TENM2: variants seen among roughly 807,000 people sequenced by gnomAD.
The protein encoded by TENM2 is teneurin-2.
TENM2 carries 52 observed loss-of-function variants against 245.2 expected under a neutral mutation model. The ratio of observed to expected loss-of-function variants is 0.21; its 90% CI spans 0.17 to 0.27. The LOEUF (loss-of-function observed/expected upper bound fraction) is 0.27. Ranked by LOEUF, TENM2 falls within the 10% of genes least tolerant of loss-of-function variation. TENM2 has a pLI of 1.00. For synonymous variants in TENM2, 1,363 were observed against 1,438.9 expected, an observed-to-expected ratio of 0.95 and a Z score of 1.19; for missense variants, 3,046 against 3,666.8, an observed-to-expected ratio of 0.83 and a Z score of 4.37.
At chr5:168,009,998 C>T (rs181743931) in intron 5 of TENM2, among the ~76,000 whole-genome samples, 7 of 152,304 alleles carry the variant, frequency 4.6e-5, no homozygotes, top group Non-Finnish European at 1.0e-4. Context: ...GAGGCAATAC[C>T]GTGATACTGT....
chr5:168,090,218 CCACA>C (rs3083413), intron 7 of TENM2, among the ~76,000 whole-genome samples: 14,256 of 136,640 alleles, frequency 0.1, 876 homozygotes, highest in East Asian at 0.29. Flanking sequence ...ACTCCCCCCA[CCACA>C]CACACACACA....
chr5:168,050,356 C>T (rs1356044388), intron 6 of TENM2, among the ~76,000 whole-genome samples: 2 of 152,160 alleles, frequency 1.3e-5, no homozygotes, highest in African/African-American at 2.4e-5. Flanking sequence ...CAGTGACCTC[C>T]GCGCTCCCCA....
chr5:167,708,827 T>A (rs577410227), intron 2 of TENM2, among the ~76,000 whole-genome samples: 4 of 152,300 alleles, frequency 2.6e-5, no homozygotes, highest in South Asian at 2.1e-4. Context: ...AAGTTTTTTT[T>A]ATAAAAACAT....
chr5:168,233,566 G>A (rs1375612079), intron 25 of TENM2, among the ~76,000 whole-genome samples: 1 of 152,202 alleles, frequency 6.6e-6, no homozygotes, highest in Non-Finnish European at 1.5e-5. Flanking sequence ...TCCTTCCACT[G>A]CAAGAGACAG....
intron 5 of TENM2, among the ~76,000 whole-genome samples, chr5:168,045,833 C>T (rs1217125303): frequency 6.6e-6 from 1 of 152,160 alleles, no homozygotes; most frequent in Admixed American, 6.5e-5. Flanking sequence ...TTCCTGACCT[C>T]TGTATAGTGA....
chr5:166,999,391 C>G, the TENM2 span, among the ~76,000 whole-genome samples: 1 of 152,084 alleles, frequency 6.6e-6, no homozygotes, highest in African/African-American at 2.4e-5. Context: ...GGACAAATAC[C>G]AGAACCACAT....
At chr5:167,515,629 A>ATATATGTATATATATACG (rs1562018828) in intron 2 of TENM2, among the ~76,000 whole-genome samples, 2 of 125,702 alleles carry the variant, frequency 1.6e-5, no homozygotes, top group African/African-American at 7.7e-5. Flanking sequence ...ACATATATAT[A>ATATATGTATATATATACG]CATATATATG....
At chr5:167,718,306 T>C (rs1759401788) in intron 2 of TENM2, among the ~76,000 whole-genome samples, 2 of 152,268 alleles carry the variant, frequency 1.3e-5, no homozygotes, top group South Asian at 4.1e-4. Flanking sequence ...GTAGAAAGGA[T>C]GTGCTGGGCT....
chr5:167,535,318 T>C (rs1403972925), intron 2 of TENM2, among the ~76,000 whole-genome samples: 6 of 151,824 alleles, frequency 4.0e-5, no homozygotes, highest in African/African-American at 1.5e-4. Context: ...TTGAGGGAAA[T>C]GGGACCTTAG....
chr5:168,159,098 T>C (rs1581486363), intron 12 of TENM2, among the ~76,000 whole-genome samples: 7 of 151,048 alleles, frequency 4.6e-5, no homozygotes, highest in Admixed American at 4.0e-4. Context: ...GAGCCGACAT[T>C]GCGCCACTGC....
At chr5:167,636,653 C>CA (rs1225527387) in intron 2 of TENM2, among the ~76,000 whole-genome samples, 13 of 152,162 alleles carry the variant, frequency 8.5e-5, no homozygotes, top group Non-Finnish European at 1.8e-4. Context: ...GCTTATTTTG[C>CA]ACCACAGTCA....
chr5:167,683,236 T>G (rs6885448), intron 2 of TENM2, among the ~76,000 whole-genome samples: 67,882 of 150,850 alleles, frequency 0.45, 17,512 homozygotes, highest in East Asian at 0.91. Context: ...CTCTGTGACA[T>G]GAAGGACCAT....
chr5:167,342,566 GCCGGA>G (rs2127818347), intron 1 of TENM2, among the ~76,000 whole-genome samples: 1 of 120,186 alleles, frequency 8.3e-6, no homozygotes, highest in South Asian at 2.9e-4. Context: ...TGTCGCCCAG[GCCGGA>G]CTGCGGACTG....
At chr5:168,004,514 C>CGT (rs1408912232) in intron 5 of TENM2, among the ~76,000 whole-genome samples, 34 of 78,826 alleles carry the variant, frequency 4.3e-4, no homozygotes, top group Middle Eastern at 6.0e-3. Context: ...CATGCGCGCG[C>CGT]GCGCACACAC....
intron 2 of TENM2, among the ~76,000 whole-genome samples, chr5:167,525,303 A>C (rs984434436): frequency 6.6e-6 from 1 of 152,310 alleles, no homozygotes; most frequent in South Asian, 2.1e-4. Flanking sequence ...TTTTAATGTT[A>C]AGAAATAATA....
chr5:167,854,169 C>T (rs1036258607), intron 2 of TENM2, among the ~76,000 whole-genome samples: 3 of 152,174 alleles, frequency 2.0e-5, no homozygotes, highest in Non-Finnish European at 4.4e-5. Context: ...CAGCAAAGAT[C>T]TCCATCTACT....
At chr5:167,393,339 T>C (rs1761874074) in intron 2 of TENM2, among the ~76,000 whole-genome samples, 1 of 151,916 alleles carries the variant, frequency 6.6e-6, no homozygotes, top group Admixed American at 6.6e-5. Context: ...AGTTTTGCAG[T>C]AGTAAACGGG....
chr5:167,877,014 C>T (rs1490982902), intron 3 of TENM2, among the ~76,000 whole-genome samples: 1 of 152,164 alleles, frequency 6.6e-6, no homozygotes, highest in Admixed American at 6.5e-5. Flanking sequence ...TTCCTGTGAA[C>T]ATCTGAACGT....
chr5:168,024,709 G>T (rs1159681576), intron 5 of TENM2, among the ~76,000 whole-genome samples: 1 of 152,176 alleles, frequency 6.6e-6, no homozygotes, highest in Non-Finnish European at 1.5e-5. Flanking sequence ...ATCATGCATA[G>T]CTCTCTCAAG....
Sources: allele counts gnomAD v4.1 joint callset (sites outside exome capture counted in the v4.1 genomes callset), GRCh38; gene constraint gnomAD v4.1.1; transcripts MANE v1.5; gene names NCBI Gene and HGNC (gene_info 2026-07-23, HGNC 2026-07-21).